KAZN: variants seen among roughly 807,000 people sequenced by gnomAD.
KAZN encodes the protein kazrin, periplakin interacting protein.
A neutral mutation model predicts 87.4 loss-of-function variants in KAZN; 40 were observed. The observed-to-expected ratio is 0.46, with a 90% CI of 0.36 to 0.60. The LOEUF is 0.60. KAZN is among the 20% of genes least tolerant of loss of function. The probability of loss-of-function intolerance (pLI) is 0.00; values close to 1 mark genes in which losing one functional copy is unlikely to be tolerated. For synonymous variants in KAZN, 466 were observed against 458.3 expected (o/e 1.02, Z -0.22); for missense variants, 898 against 1,073.9 (o/e 0.84, Z 2.29).
At chr1:14,695,163 T>C (rs973428259) in intron 1 of KAZN, among the ~76,000 whole-genome samples, 8 of 152,224 alleles carry the variant, frequency 5.3e-5, no homozygotes, top group Non-Finnish European at 1.0e-4. Flanking sequence ...TGCTATCATA[T>C]TGCTTTGCCC....
intron 1 of KAZN, among the ~76,000 whole-genome samples, chr1:14,722,577 C>T (rs1643173216): frequency 1.3e-5 from 2 of 152,186 alleles, no homozygotes; most frequent in Admixed American, 1.3e-4. Flanking sequence ...GTTCTTTTCC[C>T]AATGAGCATA....
chr1:14,991,355 A>C (rs1667343614), intron 2 of KAZN, among the ~76,000 whole-genome samples: 1 of 152,008 alleles, frequency 6.6e-6, no homozygotes, highest in African/African-American at 2.4e-5. Flanking sequence ...CTGTGTCAAA[A>C]AAAAGAAGAA....
chr1:14,997,873 C>G (rs1176202666), intron 2 of KAZN, among the ~76,000 whole-genome samples: 1 of 152,156 alleles, frequency 6.6e-6, no homozygotes, highest in Non-Finnish European at 1.5e-5. Flanking sequence ...TGGCTTTGGG[C>G]AAGTTGCTTA....
At chr1:14,368,504 A>C (rs937503786) in intron 2 of KAZN, among the ~76,000 whole-genome samples, 2 of 152,234 alleles carry the variant, frequency 1.3e-5, no homozygotes. Context: ...ATCAGCTTTC[A>C]CAATTTACAC....
At chr1:14,421,606 A>C (rs1284650309) in intron 2 of KAZN, among the ~76,000 whole-genome samples, 1 of 152,188 alleles carries the variant, frequency 6.6e-6, no homozygotes, top group Non-Finnish European at 1.5e-5. Flanking sequence ...AAAGTCTTAG[A>C]AACATAAGCC....
At chr1:14,877,898 T>C (rs1427618807) in intron 1 of KAZN, among the ~76,000 whole-genome samples, 2 of 152,150 alleles carry the variant, frequency 1.3e-5, no homozygotes, top group African/African-American at 4.8e-5. Flanking sequence ...GTCTTTTATA[T>C]ACCAGGCTGG....
intron 1 of KAZN, among the ~76,000 whole-genome samples, chr1:14,762,802 C>T (rs934816584): frequency 5.3e-5 from 8 of 151,996 alleles, no homozygotes; most frequent in East Asian, 3.9e-4. Flanking sequence ...ATGGGCCAGA[C>T]GGAGGCAGGC....
At chr1:14,650,830 T>C (rs1332465817) in intron 1 of KAZN, among the ~76,000 whole-genome samples, 5 of 152,196 alleles carry the variant, frequency 3.3e-5, no homozygotes, top group Non-Finnish European at 7.3e-5. Flanking sequence ...TTCTGGACCA[T>C]GTAATTAACA....
intron 1 of KAZN, among the ~76,000 whole-genome samples, chr1:14,907,907 TG>T (rs1656794222): frequency 6.6e-6 from 1 of 152,220 alleles, no homozygotes; most frequent in Non-Finnish European, 1.5e-5. Context: ...GGAAAATCCC[TG>T]GCTCCCTGTT....
At chr1:13,951,651 A>G in intron 1 of KAZN, among the ~76,000 whole-genome samples, 1 of 27,916 alleles carries the variant, frequency 3.6e-5, no homozygotes. Context: ...AATAATAATA[A>G]TAATAATAAT....
chr1:14,133,861 A>G (rs7546559), intron 1 of KAZN, among the ~76,000 whole-genome samples: 87,152 of 151,970 alleles, frequency 0.57, 26,290 homozygotes, highest in East Asian at 0.76. Flanking sequence ...AGCCACAAGA[A>G]AAGCATGAGA....
chr1:14,092,092 C>CTT (rs869248379), intron 1 of KAZN, among the ~76,000 whole-genome samples: 153 of 129,058 alleles, frequency 1.2e-3, no homozygotes, highest in African/African-American at 3.5e-3. Flanking sequence ...ATTTTCTTTT[C>CTT]TTTTTTTTTT....
chr1:14,681,774 C>T (rs1474775563), intron 1 of KAZN, among the ~76,000 whole-genome samples: 1 of 141,618 alleles, frequency 7.1e-6, no homozygotes, highest in Non-Finnish European at 1.5e-5. Context: ...CCTCCCGCCT[C>T]CCGGGAGGCG....
chr1:14,388,771 T>G (rs1313989107), intron 2 of KAZN, among the ~76,000 whole-genome samples: 1 of 152,150 alleles, frequency 6.6e-6, no homozygotes, highest in Non-Finnish European at 1.5e-5. Flanking sequence ...AGGGAAACTC[T>G]CCAGGACATT....
chr1:15,092,707 T>C (rs1458465546), intron 8 of KAZN, among the ~76,000 whole-genome samples: 1 of 152,126 alleles, frequency 6.6e-6, no homozygotes, highest in African/African-American at 2.4e-5. Context: ...CTCCTGAAGC[T>C]CAAGCATTCT....
chr1:14,106,955 C>G (rs1338246498), intron 1 of KAZN, among the ~76,000 whole-genome samples: 3 of 114,022 alleles, frequency 2.6e-5, no homozygotes, highest in Non-Finnish European at 5.5e-5. Context: ...CTTCCCCTTC[C>G]CTCCCTCCCC....
chr1:14,281,825 A>G (rs1652861083), intron 2 of KAZN, among the ~76,000 whole-genome samples: 1 of 152,232 alleles, frequency 6.6e-6, no homozygotes, highest in African/African-American at 2.4e-5. Flanking sequence ...TCCCATGGGA[A>G]GCCACAGAAG....
intron 1 of KAZN, among the ~76,000 whole-genome samples, chr1:14,907,826 T>C (rs12032910): frequency 0.19 from 29,071 of 152,018 alleles, 3,016 homozygotes; most frequent in South Asian, 0.36. Context: ...GGATCCCCGC[T>C]CAGCTCTCAT....
intron 1 of KAZN, among the ~76,000 whole-genome samples, chr1:14,700,471 A>C (rs1355937377): frequency 2.8e-5 from 3 of 106,012 alleles, no homozygotes; most frequent in Non-Finnish European, 4.8e-5. Flanking sequence ...ACTCTGTCTT[A>C]AAAAAAAAAA....
Sources: gnomAD v4.1 joint callset for allele counts (sites outside exome capture counted in the v4.1 genomes callset) on GRCh38, gnomAD v4.1.1 for gene constraint, MANE v1.5 for transcripts, NCBI Gene and HGNC (gene_info 2026-07-23, HGNC 2026-07-21) for gene names.